SNX25: variants seen among roughly 807,000 people sequenced by gnomAD.
SNX25 encodes sorting nexin-25.
In SNX25, 62 loss-of-function variants were observed where a neutral mutation model predicts 113.7. That is an observed-to-expected ratio of 0.55 (90% confidence interval 0.44 to 0.67). The LOEUF is 0.67. Among genes scored for constraint, SNX25 ranks in the 30% least tolerant of loss-of-function variants. The probability of loss-of-function intolerance (pLI) is 0.00; values close to 1 mark genes in which losing one functional copy is unlikely to be tolerated. For synonymous variants in SNX25, 421 were observed against 436.2 expected (o/e 0.97, Z 0.43); for missense variants, 1,014 against 1,161.0 (o/e 0.87, Z 1.84).
intron 17 of SNX25, 108 bp downstream of exon 17, chr4:185,362,213 A>T: frequency 4.9e-6 from 7 of 1,418,000 alleles, no homozygotes; most frequent in Non-Finnish European, 6.4e-6. Flanking sequence ...TACAATGAAA[A>T]AAAAAAGGAT....
At position 185,210,320 on chromosome 4, in the gene SNX25, C is replaced by G; in HGVS notation, c.429+65C>G. Reference sequence around the variant, plus strand: ...TCCCCGCTTCCGGTGCCAGCTCCCGCGCCCCGAGCTCCGGGGGGCCGCGGC... The same window carrying G: ...TCCCCGCTTCCGGTGCCAGCTCCCGGGCCCCGAGCTCCGGGGGGCCGCGGC... On this transcript the variant is annotated intron_variant, in intron 1 of 18. Coordinates refer to ENST00000652585, the MANE Select transcript of SNX25 (RefSeq NM_001378034.2). The surrounding 1 kb of genome is among the most constrained non-coding windows in gnomAD (Gnocchi z 4.4). The G allele has an allele frequency of 2.0e-6, 2 of 984,540 alleles. No homozygotes were observed. The highest frequency in any genetic ancestry group is 3.5e-5 in the African/African-American group (2 of 57,236). 61.0% of individuals were successfully genotyped at this position (984,540 alleles called of 1,614,324 possible). A position where few individuals can be genotyped will look rare whatever the true frequency, so the allele number is the denominator to read the frequency against.
At chr4:185,282,622 G>A (rs1428926630) in intron 5 of SNX25, among the ~76,000 whole-genome samples, 2 of 152,220 alleles carry the variant, frequency 1.3e-5, no homozygotes, top group African/African-American at 4.8e-5. Flanking sequence ...CCACTCTGAG[G>A]AGCAGATGGC....
chr4:185,237,155 A>G (rs1391912233), intron 1 of SNX25, among the ~76,000 whole-genome samples: 5 of 152,130 alleles, frequency 3.3e-5, no homozygotes, highest in Admixed American at 1.3e-4. Context: ...CTAAGAGGGA[A>G]AAAAAGGCAC....
intron 2 of SNX25, 87 bp downstream of exon 2, chr4:185,247,465 T>G (rs903254089): frequency 9.8e-7 from 1 of 1,021,488 alleles, no homozygotes; most frequent in Non-Finnish European, 1.5e-6. Context: ...GCAAATTTAT[T>G]CTTCTTGTCT....
intron 10 of SNX25, among the ~76,000 whole-genome samples, chr4:185,336,793 T>G (rs115279022): frequency 0.012 from 1,857 of 152,332 alleles, 38 homozygotes; most frequent in African/African-American, 0.042. Flanking sequence ...GTAAAAATGT[T>G]CCCTTTTTAC....
At chr4:185,338,305 T>G (rs2095242596) in intron 10 of SNX25, among the ~76,000 whole-genome samples, 1 of 149,770 alleles carries the variant, frequency 6.7e-6, no homozygotes, top group Non-Finnish European at 1.5e-5. Context: ...AGACGGAGTC[T>G]CACTCTGTTG....
chr4:185,223,727 G>C (rs1016728759), intron 1 of SNX25, among the ~76,000 whole-genome samples: 1 of 135,270 alleles, frequency 7.4e-6, no homozygotes, highest in Admixed American at 8.0e-5. Context: ...CTTGCAGTGA[G>C]CCGAGATCGT....
intron 7 of SNX25, among the ~76,000 whole-genome samples, chr4:185,319,187 A>G (rs1270405706): frequency 3.7e-5 from 5 of 134,562 alleles, no homozygotes; most frequent in African/African-American, 1.4e-4. Context: ...TTTCTTTGAG[A>G]AAGTCCTTTT....
intron 15 of SNX25, among the ~76,000 whole-genome samples, chr4:185,357,197 A>G (rs1189266980): frequency 6.6e-6 from 1 of 152,212 alleles, no homozygotes; most frequent in Admixed American, 6.5e-5. Context: ...TATAAAGTAC[A>G]CAGTGATCTG....
chr4:185,239,298 A>C (rs1244345034), intron 1 of SNX25, among the ~76,000 whole-genome samples: 2 of 151,884 alleles, frequency 1.3e-5, no homozygotes, highest in African/African-American at 2.4e-5. Flanking sequence ...CCTGGCCAAC[A>C]CGGTGAAACT....
chr4:185,263,322 A>G (rs1443266757), intron 3 of SNX25, among the ~76,000 whole-genome samples: 1 of 152,230 alleles, frequency 6.6e-6, no homozygotes, highest in African/African-American at 2.4e-5. Context: ...ATGATAAAGG[A>G]GTAGCATCTT....
chr4:185,210,584 A>G lies in SNX25; in HGVS notation c.429+329A>G, dbSNP rs1025475342. The stretch of plus-strand genomic sequence containing the variant: ...GTGTCGCTTGCCGTGGGAGGGGAAG[A>G]AGGGAATCACAGCGTTCGCTACGTG... On this transcript the variant is annotated intron_variant, in intron 1 of 18. Coordinates refer to ENST00000652585, the MANE Select transcript of SNX25 (RefSeq NM_001378034.2). The surrounding 1 kb of genome is among the most constrained non-coding windows in gnomAD (Gnocchi z 4.4). 5.3e-5 allele frequency among the ~76,000 whole-genome samples: 8 copies of G among 151,874 alleles called. No homozygotes were observed. Among genetic ancestry groups the G allele is most frequent in the Non-Finnish European group, 1.5e-5 (1 of 68,002 alleles).
intron 6 of SNX25, among the ~76,000 whole-genome samples, chr4:185,305,241 A>G (rs1239191613): frequency 6.6e-6 from 1 of 152,192 alleles, no homozygotes; most frequent in African/African-American, 2.4e-5. Context: ...AGCCCCCCAC[A>G]GCTGAGAACT....
At chr4:185,235,253 G>A (rs1389883159) in intron 1 of SNX25, among the ~76,000 whole-genome samples, 1 of 152,218 alleles carries the variant, frequency 6.6e-6, no homozygotes, top group Non-Finnish European at 1.5e-5. Flanking sequence ...GATCTAATCT[G>A]CCATTCATCT....
At chr4:185,323,867 A>G (rs1387435019) in intron 9 of SNX25, 67 bp downstream of exon 9, 1 of 1,558,720 alleles carries the variant, frequency 6.4e-7, no homozygotes. Context: ...AAGTGGGTGC[A>G]TATTGTGTGA....
At chr4:185,272,224 G>A (rs530706791) in intron 5 of SNX25, among the ~76,000 whole-genome samples, 4 of 152,344 alleles carry the variant, frequency 2.6e-5, no homozygotes, top group Admixed American at 2.6e-4. Flanking sequence ...CCCACAGTTG[G>A]TGTAGGTGGT....
At chr4:185,242,906 C>T (rs145043354) in intron 1 of SNX25, among the ~76,000 whole-genome samples, 495 of 152,316 alleles carry the variant, frequency 3.2e-3, no homozygotes, top group African/African-American at 0.011. Context: ...CATAACACTG[C>T]ACATAGTAAC....
chr4:185,263,565 C>A (rs1324286004), intron 3 of SNX25, among the ~76,000 whole-genome samples: 2 of 152,128 alleles, frequency 1.3e-5, no homozygotes, highest in East Asian at 3.8e-4. Flanking sequence ...GTTTCAGTCT[C>A]CAGTGCAAAA....
intron 16 of SNX25, 52 bp from the exon 17 acceptor site, chr4:185,361,872 A>G (rs1170072613): frequency 2.5e-6 from 4 of 1,569,564 alleles, no homozygotes; most frequent in Non-Finnish European, 2.6e-6. Context: ...TTTTGAGAAT[A>G]GAGTACACAA....
Sources: allele counts gnomAD v4.1 joint callset (sites outside exome capture counted in the v4.1 genomes callset), GRCh38; gene constraint gnomAD v4.1.1; non-coding constraint Gnocchi (gnomAD v3.1); transcripts MANE v1.5; gene names NCBI Gene and HGNC (gene_info 2026-07-23, HGNC 2026-07-21).